The following COL17A1 variants were observed in gnomAD, a reference collection of about 807,000 sequenced individuals.
COL17A1 encodes the protein collagen alpha-1(XVII) chain.
Under a neutral mutation model 218.4 loss-of-function variants are expected in COL17A1, and 181 were observed. That is an observed-to-expected ratio of 0.83 (90% CI 0.73 to 0.94). The LOEUF (loss-of-function observed/expected upper bound fraction) is 0.94. Ranked by LOEUF, COL17A1 falls within the 40% of genes least tolerant of loss-of-function variation. COL17A1 has a pLI of 0.00. For synonymous variants in COL17A1, 721 were observed against 731.0 expected (o/e 0.99, Z 0.22); for missense variants, 1,924 against 1,945.9 (o/e 0.99, Z 0.21).
intron 33 of COL17A1, 59 bp from the exon 34 acceptor site, chr10:104,043,919 A>T: frequency 6.3e-7 from 1 of 1,590,140 alleles, no homozygotes; most frequent in East Asian, 2.2e-5. Context: ...GTGGCTCAAT[A>T]AGCCATTTTC....
At chr10:104,076,486 G>A in intron 4 of COL17A1, 57 bp from the exon 5 acceptor site, 1 of 1,610,784 alleles carries the variant, frequency 6.2e-7, no homozygotes, top group Admixed American at 1.7e-5. Context: ...TGAACCAAAT[G>A]GCTACTGTGA....
chr10:104,073,978 T>G, intron 6 of COL17A1: 1 of 695,614 alleles, frequency 1.4e-6, no homozygotes, highest in South Asian at 1.7e-5. Flanking sequence ...GAGCAAAGGC[T>G]TATGACAGCA....
chr10:104,081,164 G>T (rs1191608756), intron 1 of COL17A1, among the ~76,000 whole-genome samples: 2 of 152,178 alleles, frequency 1.3e-5, no homozygotes, highest in African/African-American at 2.4e-5. Flanking sequence ...GAGTCTGGAG[G>T]TAAGAATGGC....
chr10:104,033,870 C>T, intron 52 of COL17A1, 75 bp downstream of exon 52: 1 of 1,604,102 alleles, frequency 6.2e-7, no homozygotes, highest in Non-Finnish European at 8.5e-7. Flanking sequence ...GGGGGTTCCA[C>T]AAACAAGAAA....
Position 104,043,945 on chromosome 10 carries a change from A to C in COL17A1, c.2399-85T>G, listed in dbSNP as rs535747680. On this transcript the variant is annotated intron_variant, in intron 33 of 55. Coordinates refer to ENST00000648076, the MANE Select transcript of COL17A1 (RefSeq NM_000494.4). ...AGCCATTTTCAAGGCTTCTGATTGC[A>C]TTTGGGACCCACTTCTGGGCCTCTC... 1,181 of 1,469,816 alleles carry C rather than the reference A, an allele frequency of 8.0e-4. 4 individuals carry two copies. Among genetic ancestry groups the C allele is most frequent in the South Asian group, 1.1e-3 (95 of 88,244 alleles). 91.0% of individuals were successfully genotyped at this position (1,469,816 alleles called of 1,614,324 possible).
intron 31 of COL17A1, among the ~76,000 whole-genome samples, chr10:104,047,084 A>G (rs1049718741): frequency 5.9e-5 from 9 of 152,136 alleles, no homozygotes; most frequent in African/African-American, 9.7e-5. Flanking sequence ...ACGGATCCCA[A>G]TGCTGCCCCA....
At position 104,050,607 on chromosome 10, in the gene COL17A1, A is replaced by T; in HGVS notation, c.2128+14T>A. On this transcript the variant is annotated intron_variant, in intron 27 of 55. Coordinates refer to ENST00000648076, the MANE Select transcript of COL17A1 (RefSeq NM_000494.4). The stretch of plus-strand genomic sequence containing the variant: ...CAGGCCCTGGTAATGACAGAGCAGC[A>T]GTGAGTGGCATACCTTTGGGTCCTG... 6.2e-7 allele frequency: 1 copy of T among 1,612,988 alleles called. No individual in the cohort carries two copies. The highest frequency in any genetic ancestry group is 8.5e-7 in the Non-Finnish European group (1 of 1,180,018).
At chr10:104,038,550 C>G in intron 44 of COL17A1, 22 bp from the exon 45 acceptor site, 1 of 1,608,018 alleles carries the variant, frequency 6.2e-7, no homozygotes, top group Non-Finnish European at 8.5e-7. Flanking sequence ...AGAAAGCGTC[C>G]TGTGTCGGTT....
intron 31 of COL17A1, among the ~76,000 whole-genome samples, chr10:104,047,016 G>A (rs1243583416): frequency 6.6e-6 from 1 of 152,142 alleles, no homozygotes; most frequent in Admixed American, 6.5e-5. Context: ...AGCCTATCTG[G>A]GTTCACAGAC....
At chr10:104,041,139 G>C (rs371007108) in intron 38 of COL17A1, 21 bp from the exon 39 acceptor site, 346 of 1,611,570 alleles carry the variant, frequency 2.1e-4, no homozygotes, top group Non-Finnish European at 2.7e-4. Flanking sequence ...GAACCCCCAA[G>C]ACTTATTAGT....
chr10:104,066,086 A>G (rs1263651536), intron 9 of COL17A1, among the ~76,000 whole-genome samples: 2 of 152,208 alleles, frequency 1.3e-5, no homozygotes, highest in African/African-American at 4.8e-5. Flanking sequence ...GTAAAAGTTT[A>G]CTAGACTGCA....
intron 24 of COL17A1, 110 bp from the exon 25 acceptor site, chr10:104,051,626 CTG>C (rs1305142761): frequency 2.2e-6 from 3 of 1,377,746 alleles, no homozygotes; most frequent in African/African-American, 1.4e-5. Flanking sequence ...CAGGTGAGGG[CTG>C]TGTGAGTGTA....
intron 1 of COL17A1, among the ~76,000 whole-genome samples, chr10:104,081,535 C>A (rs966784987): frequency 6.6e-6 from 1 of 152,190 alleles, no homozygotes; most frequent in Non-Finnish European, 1.5e-5. Flanking sequence ...GGGTCCCGTC[C>A]CAACTGGGCT....
Position 104,060,228 on chromosome 10 carries a change from G to A in COL17A1, c.1032C>T (p.Phe344=). ...GTGTGTTGTCTTTCTCTAGGATCAGGAACTTGCAGTCCTTGTGCAAAAGGT... is the reference window on the plus strand; with the variant it reads ...GTGTGTTGTCTTTCTCTAGGATCAGAAACTTGCAGTCCTTGTGCAAAAGGT... ...SDDLLHKDCK[F]LILEKDNTPA... is the part of the protein sequence containing the mutation. The change falls in exon 14 of 56, where the codon TTC becomes TTT. Residue 344 remains phenylalanine (F), a synonymous_variant. Transcript: ENST00000648076. 6.2e-7 allele frequency: 1 copy of A among 1,614,174 alleles called. No homozygotes were observed. Among genetic ancestry groups the A allele is most frequent in the African/African-American group, 1.3e-5 (1 of 75,050 alleles).
intron 30 of COL17A1, 95 bp from the exon 31 acceptor site, chr10:104,047,905 T>C (rs151130245): frequency 5.0e-6 from 7 of 1,405,498 alleles, no homozygotes; most frequent in East Asian, 2.3e-5. Flanking sequence ...GTTTTCCTAA[T>C]TGACTTGCTG....
rs2086709355 is a variant in COL17A1 at position 104,076,293 on chromosome 10, A to G, written c.331+8T>C. On this transcript the variant is annotated splice_region_variant and intron_variant, in intron 5 of 55. Coordinates refer to ENST00000648076, the MANE Select transcript of COL17A1 (RefSeq NM_000494.4). The stretch of plus-strand genomic sequence containing the variant: ...ATGGTTCTCTTGTATGGTTAGTGGG[A>G]CTGATACCTTCATACGCATGGCGGG... 3.7e-6 allele frequency: 6 copies of G among 1,613,994 alleles called. No homozygotes were observed. The South Asian group carries it at 5.5e-5, about 15-fold the overall frequency.
In COL17A1 at chr10:104,057,099, GCCGCCGCCA is replaced by G. The variant is rs1424307934; in HGVS notation, c.1332_1340del (p.Gly445_Gly447del). On this transcript the variant is annotated inframe_deletion, in exon 17 of 56. Transcript: ENST00000648076. ...ACCAGGCTGGCGCTGGTCCCCAAGG[GCCGCCGCCA>G]GCGCCACCAACACCGCCACCTCCTC... 1 of 1,612,594 alleles carries G rather than the reference GCCGCCGCCA, an allele frequency of 6.2e-7. No individual in the cohort carries two copies. The highest frequency in any genetic ancestry group is 1.7e-5 in the Admixed American group (1 of 59,934).
Position 104,053,890 on chromosome 10 carries a change from T to C in COL17A1, c.1834+30A>G. 2.3e-6 allele frequency: 3 copies of C among 1,297,294 alleles called. No individual in the cohort carries two copies. The South Asian group carries it at 3.6e-5, about 16-fold the overall frequency. The allele number at this position is 1,297,294 out of a possible 1,614,324, so 80.4% of individuals were successfully genotyped here. A position where few individuals can be genotyped will look rare whatever the true frequency, so the allele number is the denominator to read the frequency against. ...ATTAAATGAATGAAAGAATGAGGAA[T>C]AAATGAATAAAGAAAAATGTGTTTC... On this transcript the variant is annotated intron_variant, in intron 22 of 55. Coordinates refer to ENST00000648076, the MANE Select transcript of COL17A1 (RefSeq NM_000494.4).
Position 104,043,878 on chromosome 10 carries a change from G to C in COL17A1, c.2399-18C>G, listed in dbSNP as rs2086385098. The C allele has an allele frequency of 6.2e-7, 1 of 1,614,138 alleles. No homozygotes were observed. The highest frequency in any genetic ancestry group is 8.5e-7 in the Non-Finnish European group (1 of 1,180,004). On this transcript the variant is annotated intron_variant, in intron 33 of 55. Transcript: ENST00000648076. ...TGGTTCACCTAGGAAGAGAGGAAAA[G>C]GCTGAGAGTGGTTGTTCTGAGGATC...
Sources: gnomAD v4.1 joint callset for allele counts (sites outside exome capture counted in the v4.1 genomes callset) on GRCh38, gnomAD v4.1.1 for gene constraint, MANE v1.5 for transcripts, NCBI Gene and HGNC (gene_info 2026-07-23, HGNC 2026-07-21) for gene names.